ERGIC1: variants seen among roughly 807,000 people sequenced by gnomAD.
The protein encoded by ERGIC1 is endoplasmic reticulum-Golgi intermediate compartment protein 1.
ERGIC1 carries 19 observed loss-of-function variants against 38.3 expected under a neutral mutation model. The observed-to-expected ratio is 0.50, with a 90% confidence interval of 0.35 to 0.73. The LOEUF (loss-of-function observed/expected upper bound fraction) is 0.73, where lower values mean the gene tolerates loss of function less well. Among genes scored for constraint, ERGIC1 ranks in the 30% least tolerant of loss-of-function variants. The pLI is 0.01. For missense variants in ERGIC1, 294 were observed against 389.2 expected (o/e 0.76, Z 2.06); for synonymous variants, 124 against 157.6 (o/e 0.79, Z 1.60).
In ERGIC1 at chr5:172,837,678, C is replaced by T. The variant is rs560051451; in HGVS notation, c.20+3245C>T. 3.9e-5 allele frequency among the ~76,000 whole-genome samples: 6 copies of T among 152,306 alleles called. No individual in the cohort carries two copies. The highest frequency in any genetic ancestry group is 3.3e-4 in the Admixed American group (5 of 15,304). ...CTCCCCTCTCCACCCTTGAATCTGC[C>T]GTTCCTAGGTTGTTTTTGGGGTTAA... On this transcript the variant is annotated intron_variant, in intron 1 of 9. Coordinates refer to ENST00000393784, the MANE Select transcript of ERGIC1 (RefSeq NM_001031711.3). The surrounding 1 kb of genome is among the most constrained non-coding windows in gnomAD (Gnocchi z 4.3).
At position 172,909,611 on chromosome 5, in the gene ERGIC1, A is replaced by C. The variant is rs1040598564; in HGVS notation, c.156-56A>C. 1.5e-4 allele frequency: 220 copies of C among 1,508,196 alleles called. 1 individual carries two copies. The highest frequency in any genetic ancestry group is 8.5e-4 in the Middle Eastern group (5 of 5,860). 93.4% of individuals were successfully genotyped at this position (1,508,196 alleles called of 1,614,324 possible). ...GAAGTGATCCCCGGCTGTCCCCCGC[A>C]GCTGAGATCTTTGCCGCCATCTCAA... On this transcript the variant is annotated intron_variant, in intron 3 of 9. Coordinates refer to ENST00000393784, the MANE Select transcript of ERGIC1 (RefSeq NM_001031711.3).
intron 7 of ERGIC1, among the ~76,000 whole-genome samples, chr5:172,928,514 C>T (rs959095471): frequency 6.6e-6 from 1 of 152,220 alleles, no homozygotes; most frequent in Non-Finnish European, 1.5e-5. Context: ...CTCCTAAGGA[C>T]AAACCTGTTT....
In ERGIC1 at chr5:172,887,561, C is replaced by G. The variant is rs555888415; in HGVS notation, c.21-1138C>G. The stretch of plus-strand genomic sequence containing the variant: ...TCACATGGTGAACGAGAGGACCAGC[C>G]GAGATTTGAACCAGGGTAGTCTGAT... On this transcript the variant is annotated intron_variant, in intron 1 of 9. Transcript: ENST00000393784. 1.3e-5 allele frequency among the ~76,000 whole-genome samples: 2 copies of G among 152,160 alleles called. 1 individual carries two copies.
intron 9 of ERGIC1, among the ~76,000 whole-genome samples, chr5:172,939,421 A>G (rs1013821144): frequency 6.6e-6 from 1 of 152,252 alleles, no homozygotes; most frequent in African/African-American, 2.4e-5. Context: ...CCAGTATAAC[A>G]TGTCGTATGA....
intron 9 of ERGIC1, among the ~76,000 whole-genome samples, chr5:172,945,707 C>A (rs1478099054): frequency 6.6e-6 from 1 of 152,088 alleles, no homozygotes; most frequent in Non-Finnish European, 1.5e-5. Flanking sequence ...ATTTTGGCAA[C>A]AGAGTCTTGC....
chr5:172,883,403 T>C (rs1762332702), intron 1 of ERGIC1, among the ~76,000 whole-genome samples: 1 of 152,344 alleles, frequency 6.6e-6, no homozygotes, highest in African/African-American at 2.4e-5. Flanking sequence ...CATGTCTCTT[T>C]AGTCTCCTTC....
At chr5:172,838,867 A>T (rs1416747224) in intron 1 of ERGIC1, among the ~76,000 whole-genome samples, 1 of 152,222 alleles carries the variant, frequency 6.6e-6, no homozygotes, top group Non-Finnish European at 1.5e-5. Context: ...GCTAACATGA[A>T]TGCCTGTATT....
chr5:172,880,016 GTTTA>G (rs1296657166), intron 1 of ERGIC1, among the ~76,000 whole-genome samples: 1 of 152,070 alleles, frequency 6.6e-6, no homozygotes, highest in East Asian at 1.9e-4. Context: ...AGTGGCTTGT[GTTTA>G]TTTATTTACT....
At chr5:172,904,161 A>G (rs1561727315) in intron 3 of ERGIC1, among the ~76,000 whole-genome samples, 1 of 151,182 alleles carries the variant, frequency 6.6e-6, no homozygotes, top group African/African-American at 2.4e-5. Flanking sequence ...TTATTTTCTT[A>G]TTTTAGTGAG....
rs1392002982 is a variant in ERGIC1, at chr5:172,908,952, C to T, written c.156-715C>T. 4.6e-5 allele frequency among the ~76,000 whole-genome samples: 7 copies of T among 152,140 alleles called. 1 individual carries two copies. Among genetic ancestry groups the T allele is most frequent in the African/African-American group, 1.4e-4 (6 of 41,436 alleles). Reference sequence around the variant, plus strand: ...TCCTCTGTGCCTGCTGGCGCCAGGCCCTGATCCCTTATAAGACCCCTATTT... The same window carrying T: ...TCCTCTGTGCCTGCTGGCGCCAGGCTCTGATCCCTTATAAGACCCCTATTT... On this transcript the variant is annotated intron_variant, in intron 3 of 9. Coordinates refer to ENST00000393784, the MANE Select transcript of ERGIC1 (RefSeq NM_001031711.3).
At chr5:172,916,092 C>T (rs557550520) in intron 5 of ERGIC1, 1 of 155,946 alleles carries the variant, frequency 6.4e-6, no homozygotes, top group South Asian at 1.9e-4. Flanking sequence ...TGTGCTGTCC[C>T]TTCCCACAGT....
intron 2 of ERGIC1, among the ~76,000 whole-genome samples, chr5:172,895,980 C>T (rs1375433599): frequency 6.6e-6 from 1 of 151,982 alleles, no homozygotes; most frequent in African/African-American, 2.4e-5. Flanking sequence ...TCTTTAGGTG[C>T]CAGGCAGATG....
At chr5:172,903,889 G>C (rs1048891211) in intron 3 of ERGIC1, among the ~76,000 whole-genome samples, 2 of 151,944 alleles carry the variant, frequency 1.3e-5, no homozygotes, top group Admixed American at 6.6e-5. Flanking sequence ...TGGTAGCCTA[G>C]GCTTCCCCTG....
rs1761281451 is a variant in ERGIC1, at chr5:172,846,336, C to T, written c.20+11903C>T. On this transcript the variant is annotated intron_variant, in intron 1 of 9. Coordinates refer to ENST00000393784, the MANE Select transcript of ERGIC1 (RefSeq NM_001031711.3). This position sits in a 1 kb window ranked among gnomAD's most constrained non-coding sequence, Gnocchi z 4.0. ...TTCTGCGCTGTCTGTGCAGGACGCC[C>T]AGCACTGGGCACTTTGAGTCACTTC... is the stretch of plus-strand genomic sequence containing the variant. Among the ~76,000 whole-genome samples, 1 of 152,138 alleles carries T rather than the reference C, an allele frequency of 6.6e-6. No homozygotes were observed. The highest frequency in any genetic ancestry group is 6.5e-5 in the Admixed American group (1 of 15,282).
At chr5:172,908,042 A>G (rs1763078668) in intron 3 of ERGIC1, among the ~76,000 whole-genome samples, 1 of 151,756 alleles carries the variant, frequency 6.6e-6, no homozygotes, top group East Asian at 2.0e-4. Flanking sequence ...GCCCCTAAAT[A>G]TGGCCGATGC....
At chr5:172,891,989 C>G (rs1253641135) in intron 2 of ERGIC1, among the ~76,000 whole-genome samples, 2 of 149,762 alleles carry the variant, frequency 1.3e-5, no homozygotes, top group Admixed American at 1.3e-4. Flanking sequence ...TTGTCCATAT[C>G]TTTTTGTATC....
chr5:172,911,564 C>G (rs2113389076), intron 4 of ERGIC1, among the ~76,000 whole-genome samples: 1 of 152,232 alleles, frequency 6.6e-6, no homozygotes, highest in Non-Finnish European at 1.5e-5. Flanking sequence ...AAAAGAACTT[C>G]ACATTTTTAT....
At chr5:172,940,687 T>G (rs994852277) in intron 9 of ERGIC1, among the ~76,000 whole-genome samples, 1 of 152,100 alleles carries the variant, frequency 6.6e-6, no homozygotes, top group Non-Finnish European at 1.5e-5. Context: ...CTGTCATTCT[T>G]GGAGAGTTGC....
chr5:172,897,942 C>T (rs537429152), intron 3 of ERGIC1: 53 of 413,602 alleles, frequency 1.3e-4, no homozygotes, highest in African/African-American at 8.4e-4. Context: ...ACCTAGTAAA[C>T]GCTCTGGGGT....
Sources: gnomAD v4.1 joint callset for allele counts (sites outside exome capture counted in the v4.1 genomes callset) on GRCh38, gnomAD v4.1.1 for gene constraint, Gnocchi (gnomAD v3.1) non-coding constraint, MANE v1.5 for transcripts, NCBI Gene and HGNC (gene_info 2026-07-23, HGNC 2026-07-21) for gene names.